Variants in OR2L13 observed in about 807,000 individuals in gnomAD.
OR2L13 encodes olfactory receptor 2L13.
Under a neutral mutation model 15.3 loss-of-function variants are expected in OR2L13, and 14 were observed. The observed-to-expected ratio is 0.91, with a 90% CI of 0.60 to 1.43. The LOEUF is 1.43. OR2L13 is among the 40% of genes most tolerant of loss of function. OR2L13 has a pLI of 0.00. For missense variants in OR2L13, 367 were observed against 387.9 expected (o/e 0.95, Z 0.45); for synonymous variants, 152 against 142.9 (o/e 1.06, Z -0.45).
chr1:248,023,692 G>A, the OR2L13 span: 1 of 152,158 alleles, frequency 6.6e-6, no homozygotes, highest in Non-Finnish European at 1.5e-5. Context: ...TTAGGCCTGT[G>A]CCTAGAAGGA....
At chr1:248,010,897 C>G in the OR2L13 span, among the ~76,000 whole-genome samples, 1 of 149,184 alleles carries the variant, frequency 6.7e-6, no homozygotes, top group Non-Finnish European at 1.5e-5. Context: ...GGTCTTGACT[C>G]TTTATCCAAT....
the OR2L13 span, chr1:247,949,532 C>T: frequency 4.8e-5 from 78 of 1,614,044 alleles, no homozygotes; most frequent in Non-Finnish European, 6.4e-5. Flanking sequence ...TTGCTGTCTA[C>T]CACATGAAAT....
chr1:248,058,720 TATTTC>T, the OR2L13 span, among the ~76,000 whole-genome samples: 4 of 152,010 alleles, frequency 2.6e-5, no homozygotes, highest in African/African-American at 9.7e-5. Flanking sequence ...ATGGTTAATA[TATTTC>T]ATTTCAGAGA....
At chr1:247,968,177 A>G in the OR2L13 span, among the ~76,000 whole-genome samples, 1 of 152,120 alleles carries the variant, frequency 6.6e-6, no homozygotes, top group Non-Finnish European at 1.5e-5. Context: ...AAACTTTATA[A>G]TATAAAAGGA....
chr1:247,985,773 T>G, the OR2L13 span, among the ~76,000 whole-genome samples: 1 of 151,924 alleles, frequency 6.6e-6, no homozygotes, highest in African/African-American at 2.4e-5. Flanking sequence ...CAGCACCTGT[T>G]GTTTCCTGAC....
chr1:248,095,006 T>C (rs1212178924), upstream of OR2L13, among the ~76,000 whole-genome samples: 2 of 152,146 alleles, frequency 1.3e-5, no homozygotes, highest in African/African-American at 4.8e-5. Context: ...GTTGATTGGG[T>C]TGGTTGATTT....
the OR2L13 span, among the ~76,000 whole-genome samples, chr1:247,954,889 T>C: frequency 6.6e-6 from 1 of 152,124 alleles, no homozygotes; most frequent in Non-Finnish European, 1.5e-5. Context: ...ACAACTTCTA[T>C]TTCTGACAGT....
the OR2L13 span, among the ~76,000 whole-genome samples, chr1:248,081,753 A>C: frequency 6.6e-6 from 1 of 152,172 alleles, no homozygotes; most frequent in Non-Finnish European, 1.5e-5. Context: ...TCTTTCAGGG[A>C]GACAAGTGTT....
chr1:247,961,865 G>C, the OR2L13 span, among the ~76,000 whole-genome samples: 34 of 152,324 alleles, frequency 2.2e-4, no homozygotes, highest in African/African-American at 8.2e-4. Flanking sequence ...AAAAAAGCCT[G>C]ATTCTCGTGT....
the OR2L13 span, chr1:247,949,290 A>T: frequency 6.2e-7 from 1 of 1,614,180 alleles, no homozygotes; most frequent in Non-Finnish European, 8.5e-7. Context: ...GCTGATGATA[A>T]CAGGGTCTTG....
At chr1:248,055,792 T>C in the OR2L13 span, 16 of 152,160 alleles carry the variant, frequency 1.1e-4, no homozygotes, top group African/African-American at 1.7e-4. Context: ...AAAAAAATGA[T>C]TTAGGGTGGA....
the OR2L13 span, among the ~76,000 whole-genome samples, chr1:248,036,219 T>C: frequency 4.6e-5 from 7 of 152,158 alleles, no homozygotes; most frequent in Admixed American, 2.6e-4. Context: ...AATTTTCTAA[T>C]ATTTTTGTCT....
At chr1:248,007,725 T>C in the OR2L13 span, among the ~76,000 whole-genome samples, 1 of 152,158 alleles carries the variant, frequency 6.6e-6, no homozygotes, top group Non-Finnish European at 1.5e-5. Flanking sequence ...AATTATTTCC[T>C]GTCTTTGGAA....
chr1:248,067,686 G>A, the OR2L13 span, among the ~76,000 whole-genome samples: 1 of 152,234 alleles, frequency 6.6e-6, no homozygotes, highest in African/African-American at 2.4e-5. Context: ...CCGAAGCAGG[G>A]CAAGGCATTG....
chr1:248,068,359 G>T, the OR2L13 span, among the ~76,000 whole-genome samples: 1 of 152,116 alleles, frequency 6.6e-6, no homozygotes, highest in East Asian at 1.9e-4. Flanking sequence ...CTGTTCTGCA[G>T]CCACTGCTGC....
chr1:248,061,881 T>A, the OR2L13 span: 1 of 306,390 alleles, frequency 3.3e-6, no homozygotes, highest in Non-Finnish European at 6.0e-6. Flanking sequence ...GAATTTTTGT[T>A]TTTGGTCATG....
chr1:247,985,628 A>C, the OR2L13 span, among the ~76,000 whole-genome samples: 1 of 152,142 alleles, frequency 6.6e-6, no homozygotes, highest in Non-Finnish European at 1.5e-5. Context: ...TATACGCAGT[A>C]ATGGGATTGC....
At position 248,098,367 on chromosome 1, in the gene OR2L13, T is replaced by C. The variant is rs76970959; in HGVS notation, c.-143-284T>C. On this transcript the variant is annotated intron_variant, in intron 1 of 2. Transcript: ENST00000641714. ...ATCATAATGATGGTTTTCATGTTTTTTTCTGATCAGTTTTTATTTCTAAAG... is the reference window on the plus strand; with the variant it reads ...ATCATAATGATGGTTTTCATGTTTTCTTCTGATCAGTTTTTATTTCTAAAG... 8.0e-3 allele frequency among the ~76,000 whole-genome samples: 1,217 copies of C among 152,320 alleles called. 25 individuals carry two copies. The highest frequency in any genetic ancestry group is 0.028 in the African/African-American group (1,148 of 41,560).
At chr1:248,063,777 T>C in the OR2L13 span, among the ~76,000 whole-genome samples, 1 of 133,208 alleles carries the variant, frequency 7.5e-6, no homozygotes. Context: ...TGCTGTGAAG[T>C]ATTACAAGAT....
Sources: gnomAD v4.1 joint callset for allele counts (sites outside exome capture counted in the v4.1 genomes callset) on GRCh38, gnomAD v4.1.1 for gene constraint, MANE v1.5 for transcripts, NCBI Gene and HGNC (gene_info 2026-07-23, HGNC 2026-07-21) for gene names.